The following TOX2 variants were observed in gnomAD, a reference collection of about 807,000 sequenced individuals.
The protein encoded by TOX2 is granulosa cell HMG box 1.
A neutral mutation model predicts 47.4 loss-of-function variants in TOX2; 15 were observed. The ratio of observed to expected loss-of-function variants is 0.32; its 90% CI spans 0.21 to 0.49. TOX2 has a LOEUF of 0.49. Ranked by LOEUF, TOX2 falls within the 20% of genes least tolerant of loss-of-function variation. TOX2 has a pLI of 0.99. For missense variants in TOX2, 622 were observed against 673.1 expected, an observed-to-expected ratio of 0.92 and a Z score of 0.84; for synonymous variants, 290 against 296.6, an observed-to-expected ratio of 0.98 and a Z score of 0.23.
chr20:44,039,278 A>T (rs769740426), intron 3 of TOX2: 63 of 1,289,310 alleles, frequency 4.9e-5, no homozygotes, highest in Non-Finnish European at 6.3e-5. Flanking sequence ...CAGTCTAGAG[A>T]GAAGCCCACA....
chr20:44,016,139 G>A (rs1211998721), intron 3 of TOX2, among the ~76,000 whole-genome samples: 1 of 151,862 alleles, frequency 6.6e-6, no homozygotes. Flanking sequence ...GGAGAGGATG[G>A]GGCACAGATA....
chr20:44,049,670 G>C (rs2071474620), intron 3 of TOX2, among the ~76,000 whole-genome samples: 1 of 152,138 alleles, frequency 6.6e-6, no homozygotes, highest in Non-Finnish European at 1.5e-5. Context: ...ACGCGCCCCA[G>C]TGTGTAGTTC....
chr20:43,959,744 CT>C (rs1452203602), intron 1 of TOX2, among the ~76,000 whole-genome samples: 2 of 152,210 alleles, frequency 1.3e-5, no homozygotes, highest in Non-Finnish European at 2.9e-5. Context: ...AGTTAATTGC[CT>C]TTGGTAAGAA....
At chr20:44,049,809 A>G (rs547632550) in intron 3 of TOX2, among the ~76,000 whole-genome samples, 38 of 152,260 alleles carry the variant, frequency 2.5e-4, no homozygotes, top group Non-Finnish European at 5.0e-4. Flanking sequence ...ATGTCCCTGC[A>G]GAGGACATGA....
At chr20:43,941,657 G>A (rs989822000) in intron 1 of TOX2, among the ~76,000 whole-genome samples, 14 of 152,126 alleles carry the variant, frequency 9.2e-5, no homozygotes, top group African/African-American at 3.4e-4. Flanking sequence ...TTTTATTTGC[G>A]TAAGCTCACA....
At chr20:44,046,013 T>C (rs1210210281) in intron 3 of TOX2, among the ~76,000 whole-genome samples, 2 of 152,226 alleles carry the variant, frequency 1.3e-5, no homozygotes, top group African/African-American at 4.8e-5. Flanking sequence ...AAACCTTCTA[T>C]AAAACAGTTC....
chr20:44,037,126 G>A (rs761537662), intron 3 of TOX2, among the ~76,000 whole-genome samples: 10 of 152,144 alleles, frequency 6.6e-5, no homozygotes, highest in Non-Finnish European at 5.9e-5. Context: ...GCTAATTTTT[G>A]TATTTTTAGT....
intron 1 of TOX2, among the ~76,000 whole-genome samples, chr20:43,951,717 T>TTTTTTTTTTTTTTTTTA: frequency 8.0e-6 from 1 of 124,890 alleles, no homozygotes; most frequent in African/African-American, 3.0e-5. Flanking sequence ...GTTTTTTTTT[T>TTTTTTTTTTTTTTTTTA]TTTTTTTTTT....
chr20:44,018,566 A>G (rs777320012), intron 3 of TOX2, among the ~76,000 whole-genome samples: 16 of 152,218 alleles, frequency 1.1e-4, no homozygotes, highest in Non-Finnish European at 1.5e-4. Context: ...TCTGGAGCAC[A>G]TAAAACTTGA....
At chr20:43,939,922 T>C (rs1458981491) in intron 1 of TOX2, among the ~76,000 whole-genome samples, 1 of 152,202 alleles carries the variant, frequency 6.6e-6, no homozygotes, top group Non-Finnish European at 1.5e-5. Context: ...TGCTCAGATA[T>C]GCTGCAGAGG....
chr20:43,986,285 A>ATGTATGTATGTATGTATGTG (rs1555836350), intron 2 of TOX2, among the ~76,000 whole-genome samples: 7,957 of 151,474 alleles, frequency 0.053, 274 homozygotes, highest in Middle Eastern at 0.17. Context: ...GTATGTATGT[A>ATGTATGTATGTATGTATGTG]TGTGTGTATT....
chr20:44,009,452 T>C (rs989857735), intron 3 of TOX2, among the ~76,000 whole-genome samples: 2 of 152,172 alleles, frequency 1.3e-5, no homozygotes, highest in East Asian at 1.9e-4. Context: ...AATTTTTTCC[T>C]CGTGGGTCCA....
Position 44,068,754 on chromosome 20 carries a change from GAA to G in TOX2, c.*71_*72del. The G allele has an allele frequency of 1.2e-6, 2 of 1,604,664 alleles. No individual in the cohort carries two copies. The highest frequency in any genetic ancestry group is 1.7e-4 in the Middle Eastern group (1 of 6,046). Reference sequence around the variant, plus strand: ...CTCAGAGCCTGAAGGGCTGACAGCAGAAAAGAGGCCCTGGCCAGAGGCAGGGT... The same window carrying G: ...CTCAGAGCCTGAAGGGCTGACAGCAGAAGAGGCCCTGGCCAGAGGCAGGGT... On this transcript the variant is annotated 3_prime_UTR_variant, in exon 9 of 9. Coordinates refer to ENST00000341197, the MANE Select transcript of TOX2 (RefSeq NM_001098797.2).
At chr20:43,940,219 CT>C (rs879932334) in intron 1 of TOX2, among the ~76,000 whole-genome samples, 194 of 146,156 alleles carry the variant, frequency 1.3e-3, no homozygotes, top group African/African-American at 2.4e-3. Context: ...TGGGACGTCA[CT>C]TTTTTTTTTT....
chr20:43,921,321 G>A (rs73287085), intron 1 of TOX2, among the ~76,000 whole-genome samples: 1 of 152,172 alleles, frequency 6.6e-6, no homozygotes, highest in Non-Finnish European at 1.5e-5. Flanking sequence ...TTGCTTCTCT[G>A]ATTTCCTAGA....
At chr20:44,056,472 T>TCTCAA (rs1286161104) in intron 5 of TOX2, among the ~76,000 whole-genome samples, 4 of 152,182 alleles carry the variant, frequency 2.6e-5, no homozygotes, top group Admixed American at 1.3e-4. Context: ...GAGACAGTGG[T>TCTCAA]CTCAAGTCCT....
chr20:44,027,034 C>T (rs770162476), intron 3 of TOX2, among the ~76,000 whole-genome samples: 1 of 152,112 alleles, frequency 6.6e-6, no homozygotes, highest in African/African-American at 2.4e-5. Context: ...TATTGAGCGG[C>T]GAGGCAGTAA....
intron 1 of TOX2, among the ~76,000 whole-genome samples, chr20:43,947,560 G>C (rs180849028): frequency 3.2e-4 from 49 of 152,312 alleles, no homozygotes; most frequent in African/African-American, 1.2e-3. Flanking sequence ...AGAGGCTCTG[G>C]AATCTGTTTG....
intron 2 of TOX2, among the ~76,000 whole-genome samples, chr20:43,980,008 C>T (rs1441320314): frequency 6.6e-6 from 1 of 152,154 alleles, no homozygotes. Context: ...CCATATGATC[C>T]AGCAATCCAA....
Sources: allele counts gnomAD v4.1 joint callset (sites outside exome capture counted in the v4.1 genomes callset), GRCh38; gene constraint gnomAD v4.1.1; transcripts MANE v1.5; gene names NCBI Gene and HGNC (gene_info 2026-07-23, HGNC 2026-07-21).